The following RLF variants were observed in gnomAD, a reference collection of about 807,000 sequenced individuals.
RLF encodes zinc finger protein Rlf.
In RLF, 7 loss-of-function variants were observed where a neutral mutation model predicts 162.9. That is an observed-to-expected ratio of 0.04 (90% CI 0.02 to 0.08). The LOEUF (loss-of-function observed/expected upper bound fraction) is 0.08, where lower values mean the gene tolerates loss of function less well. Among genes scored for constraint, RLF ranks in the 10% least tolerant of loss-of-function variants. RLF has a pLI of 1.00. For missense variants in RLF, 1,664 were observed against 2,244.7 expected, an observed-to-expected ratio of 0.74 and a Z score of 5.23; for synonymous variants, 782 against 791.5, an observed-to-expected ratio of 0.99 and a Z score of 0.20.
chr1:40,207,790 T>C (rs1642815707), intron 5 of RLF, among the ~76,000 whole-genome samples: 1 of 152,160 alleles, frequency 6.6e-6, no homozygotes, highest in Non-Finnish European at 1.5e-5. Flanking sequence ...TTTGTATTTT[T>C]AGTAGAGACA....
chr1:40,200,867 TACACACACACACACACACACACACACAC>T (rs71060356), intron 4 of RLF, among the ~76,000 whole-genome samples: 570 of 34,844 alleles, frequency 0.016, 5 homozygotes, highest in Middle Eastern at 0.081. Flanking sequence ...ATTGCTACTC[TACACACACACACACACACACACACACAC>T]ACACACACAC....
In RLF at chr1:40,161,409, G is replaced by A. The variant is rs376189881; in HGVS notation, c.10G>A (p.Gly4Arg). 262 of 1,541,650 alleles carry A rather than the reference G, an allele frequency of 1.7e-4. No individual in the cohort carries two copies. The highest frequency in any genetic ancestry group is 2.2e-4 in the Non-Finnish European group (250 of 1,150,172). Reference sequence around the variant, plus strand: ...GGTGGGCCGTGGGAAGATGGCGGACGGAAAGGGAGACGCCGCCGCTGTCGC... The same window carrying A: ...GGTGGGCCGTGGGAAGATGGCGGACAGAAAGGGAGACGCCGCCGCTGTCGC... MADGKGDAAAVAGA... is the reference protein window; with the variant it reads MADRKGDAAAVAGA... The change falls in exon 1 of 8, where the codon GGA becomes AGA. Residue 4 changes from glycine (G) to arginine (R), a missense_variant. Gly to Arg is a moderately radical substitution (Grantham distance 125). Transcript: ENST00000372771. The surrounding 1 kb of genome is among the most constrained non-coding windows in gnomAD (Gnocchi z 4.4).
intron 5 of RLF, among the ~76,000 whole-genome samples, chr1:40,214,784 G>A (rs1255459730): frequency 6.6e-6 from 1 of 151,484 alleles, no homozygotes; most frequent in Non-Finnish European, 1.5e-5. Context: ...TTAGCTGGGT[G>A]TGGTAGTGTG....
At chr1:40,192,262 T>C (rs1394787336) in intron 3 of RLF, among the ~76,000 whole-genome samples, 2 of 152,174 alleles carry the variant, frequency 1.3e-5, no homozygotes, top group Non-Finnish European at 2.9e-5. Flanking sequence ...TGTTCTGGCA[T>C]ATGGCATCCT....
rs1643253685 is a variant in RLF at position 40,238,960 on chromosome 1, A to G, written c.4258A>G (p.Thr1420Ala). The G allele has an allele frequency of 6.2e-7, 1 of 1,614,084 alleles. No homozygotes were observed. The highest frequency in any genetic ancestry group is 1.3e-5 in the African/African-American group (1 of 74,942). ...NQPQCPAVFY[T>A]FNKLKHHLME... is the part of the protein sequence containing the mutation. ...GCCTCAGTGCCCTGCTGTTTTTTAT[A>G]CATTCAACAAGTTGAAGCACCACTT... The change falls in exon 8 of 8, where the codon ACA becomes GCA. Residue 1420 changes from threonine (T) to alanine (A), a missense_variant. Around this residue, in one of 15 missense-constraint regions of RLF, gnomAD observed 200 missense variants for 207.3 expected, o/e 0.96. Coordinates refer to ENST00000372771, the MANE Select transcript of RLF (RefSeq NM_012421.4). This position sits in a 1 kb window ranked among gnomAD's most constrained non-coding sequence, Gnocchi z 5.2.
chr1:40,222,432 TATTC>T (rs1643012409), intron 5 of RLF, 138 bp from the exon 6 acceptor site: 1 of 666,002 alleles, frequency 1.5e-6, no homozygotes, highest in East Asian at 2.8e-5. Context: ...TTATGTGAAA[TATTC>T]ATGCAAGAAG....
At chr1:40,203,306 G>C (rs1293954505) in intron 5 of RLF, among the ~76,000 whole-genome samples, 1 of 151,630 alleles carries the variant, frequency 6.6e-6, no homozygotes, top group Non-Finnish European at 1.5e-5. Flanking sequence ...AGTAGAGACG[G>C]GGTTTCACCA....
At chr1:40,228,400 A>C (rs1241051125) in intron 6 of RLF, among the ~76,000 whole-genome samples, 1 of 151,602 alleles carries the variant, frequency 6.6e-6, no homozygotes, top group Admixed American at 6.6e-5. Context: ...CCTGGCCAAC[A>C]TAGCGAAACC....
chr1:40,195,778 C>A lies in RLF; in HGVS notation c.607+14C>A. 1.9e-6 allele frequency: 3 copies of A among 1,604,748 alleles called. No homozygotes were observed. The highest frequency in any genetic ancestry group is 2.5e-6 in the Non-Finnish European group (3 of 1,176,532). ...AAACGGAGGAAGGTAAGTCTTAAGA[C>A]TATATTGGATGAGGATTTAGTTCTG... On this transcript the variant is annotated intron_variant, in intron 4 of 7. Transcript: ENST00000372771.
Position 40,239,958 on chromosome 1 carries a change from A to G in RLF, c.5256A>G (p.Lys1752=), listed in dbSNP as rs937300718. The change falls in exon 8 of 8, where the codon AAA becomes AAG. Residue 1752 remains lysine (K), a synonymous_variant. Transcript: ENST00000372771. ...ATGTCCCAAAAGAGAATTTTAGGAA[A>G]CATTCACAGCCCCGGTCATTTGATT... ...PTHVPKENFR[K]HSQPRSFDLK... is the part of the protein sequence containing the mutation. 6.2e-7 allele frequency: 1 copy of G among 1,613,736 alleles called. No homozygotes were observed. The highest frequency in any genetic ancestry group is 8.5e-7 in the Non-Finnish European group (1 of 1,180,016).
intron 3 of RLF, 111 bp downstream of exon 3, chr1:40,190,964 A>G: frequency 1.8e-6 from 1 of 543,910 alleles, no homozygotes. Flanking sequence ...TTATATATTG[A>G]TATTAGGTCA....
rs753613101 is a variant in RLF at position 40,237,642 on chromosome 1, A to G, written c.2940A>G (p.Pro980=). The change falls in exon 8 of 8, where the codon CCA becomes CCG. Residue 980 remains proline (P), a synonymous_variant. Coordinates refer to ENST00000372771, the MANE Select transcript of RLF (RefSeq NM_012421.4). The surrounding 1 kb of genome is among the most constrained non-coding windows in gnomAD (Gnocchi z 4.4). ...AGAAACATTTACGGAAGGTTCATCC[A>G]TACCATTTCAAGCCCAAAAAGATAA... ...GMQKHLRKVH[P]YHFKPKKIKT... 49 of 1,614,056 alleles carry G rather than the reference A, an allele frequency of 3.0e-5. No individual in the cohort carries two copies. In the South Asian group the frequency reaches 4.3e-4, roughly 14 times the overall value.
At chr1:40,165,846 G>T (rs907309760) in intron 1 of RLF, among the ~76,000 whole-genome samples, 5 of 151,954 alleles carry the variant, frequency 3.3e-5, no homozygotes, top group Non-Finnish European at 7.4e-5. Context: ...AAGCCTTTTA[G>T]AATCCAGACC....
At chr1:40,198,847 A>G (rs540752166) in intron 4 of RLF, among the ~76,000 whole-genome samples, 1 of 152,214 alleles carries the variant, frequency 6.6e-6, no homozygotes, top group Non-Finnish European at 1.5e-5. Context: ...TGGGAGTGAG[A>G]CATATTGTTT....
chr1:40,189,080 A>G lies in RLF; in HGVS notation c.263A>G (p.Lys88Arg), dbSNP rs1642523088. 2 of 1,606,008 alleles carry G rather than the reference A, an allele frequency of 1.2e-6. No homozygotes were observed. Among genetic ancestry groups the G allele is most frequent in the African/African-American group, 2.7e-5 (2 of 74,712 alleles). The change falls in exon 2 of 8, where the codon AAG (lysine) becomes AGG (arginine). Residue 88 changes from lysine (K) to arginine (R), a missense_variant. By Grantham distance (26) the Lys-to-Arg change is conservative (BLOSUM62 2). Around this residue, in one of 15 missense-constraint regions of RLF, gnomAD observed 134 missense variants for 124.3 expected, o/e 1.08. Coordinates refer to ENST00000372771, the MANE Select transcript of RLF (RefSeq NM_012421.4). ...ACCTTATTGCAATATGCAAGCAACA[A>G]GAATGCATCAGAACATATTGTGTAT... ...CQTLLQYASN[K>R]NASEHIVYLL...
rs1206133121 is a variant in RLF at position 40,237,265 on chromosome 1, C to T, written c.2563C>T (p.Pro855Ser). The change falls in exon 8 of 8, where the codon CCC becomes TCC. Residue 855 changes from proline (P) to serine (S), a missense_variant. Pro to Ser is a moderately conservative substitution (Grantham distance 74). Around this residue, in one of 15 missense-constraint regions of RLF, gnomAD observed 295 missense variants for 317.4 expected, o/e 0.93. Transcript: ENST00000372771. The surrounding 1 kb of genome is among the most constrained non-coding windows in gnomAD (Gnocchi z 4.4). ...TGEKQDCINQ[P>S]HLLNQTDKSH... ...TGAAAAGCAAGATTGTATTAATCAG[C>T]CCCATCTACTTAACCAAACTGATAA... 3 of 1,613,862 alleles carry T rather than the reference C, an allele frequency of 1.9e-6. No homozygotes were observed. The highest frequency in any genetic ancestry group is 2.5e-6 in the Non-Finnish European group (3 of 1,179,974).
At chr1:40,190,947 AAGT>A (rs1332690788) in intron 3 of RLF, 94 bp downstream of exon 3, 1 of 670,512 alleles carries the variant, frequency 1.5e-6, no homozygotes, top group East Asian at 2.9e-5. Flanking sequence ...GAACAAAAAC[AAGT>A]TTATTATATA....
rs376371438 is a variant in RLF at position 40,229,871 on chromosome 1, C to T, written c.948-1646C>T. 8.5e-5 allele frequency among the ~76,000 whole-genome samples: 13 copies of T among 152,086 alleles called. 1 individual carries two copies. Among genetic ancestry groups the T allele is most frequent in the East Asian group, 3.9e-4 (2 of 5,146 alleles). ...GGCTCATGCCTGTAATCCCAGAACT[C>T]TGGGAGGCCGAGGCAGGCAGATCAC... On this transcript the variant is annotated intron_variant, in intron 6 of 7. Transcript: ENST00000372771.
rs766279162 is a variant in RLF, at chr1:40,192,654, CAT to C, written c.474+1802_474+1803del. On this transcript the variant is annotated intron_variant, in intron 3 of 7. Transcript: ENST00000372771. ...CAGATGTGTAGGATATATTTTTTAA[CAT>C]GTGTTCAGTAAATAAATGTAGTAGG... 1.2e-4 allele frequency among the ~76,000 whole-genome samples: 19 copies of C among 152,004 alleles called. 1 individual carries two copies. Among genetic ancestry groups the C allele is most frequent in the Admixed American group, 7.2e-4 (11 of 15,258 alleles).
Sources: gnomAD v4.1 joint callset for allele counts (sites outside exome capture counted in the v4.1 genomes callset) on GRCh38, gnomAD v4.1.1 for gene constraint, gnomAD v4.1.1 regional missense constraint, Gnocchi (gnomAD v3.1) non-coding constraint, MANE v1.5 for transcripts, NCBI Gene and HGNC (gene_info 2026-07-23, HGNC 2026-07-21) for gene names.